ARHGAP28: variants seen among roughly 807,000 people sequenced by gnomAD.
ARHGAP28 encodes the protein Rho GTPase activating protein 28.
ARHGAP28 carries 56 observed loss-of-function variants against 90.7 expected under a neutral mutation model. That is an observed-to-expected ratio of 0.62 (90% confidence interval 0.50 to 0.77). ARHGAP28 has a LOEUF of 0.77. Among genes scored for constraint, ARHGAP28 ranks in the 30% least tolerant of loss-of-function variants. The pLI, the probability that ARHGAP28 is intolerant of heterozygous loss-of-function variation, is 0.00. For missense variants in ARHGAP28, 869 were observed against 900.9 expected (o/e 0.96, Z 0.45); for synonymous variants, 308 against 323.3 (o/e 0.95, Z 0.51).
chr18:6,841,203 C>CT (rs754874496), intron 3 of ARHGAP28, among the ~76,000 whole-genome samples: 8,394 of 41,056 alleles, frequency 0.2, 1,196 homozygotes, highest in Non-Finnish European at 0.23. Context: ...CTCTCTCTCT[C>CT]CTCTCCTCTC....
chr18:6,827,310 C>CG (rs1164665392), intron 2 of ARHGAP28, among the ~76,000 whole-genome samples: 1 of 145,748 alleles, frequency 6.9e-6, no homozygotes, highest in Non-Finnish European at 1.5e-5. Flanking sequence ...GCTGGCCGGG[C>CG]GGGGGGCTGA....
At chr18:6,766,920 C>T (rs1344489546) in intron 1 of ARHGAP28, among the ~76,000 whole-genome samples, 2 of 152,158 alleles carry the variant, frequency 1.3e-5, no homozygotes, top group African/African-American at 4.8e-5. Context: ...CTTGGTCCGT[C>T]CTTTACTTTT....
chr18:6,755,703 G>A (rs1225955309), intron 1 of ARHGAP28, among the ~76,000 whole-genome samples: 1 of 152,094 alleles, frequency 6.6e-6, no homozygotes, highest in East Asian at 1.9e-4. Flanking sequence ...GTATAACCTG[G>A]GGTTTTCTGA....
chr18:6,818,488 CTCTATAT>C (rs1276578762), intron 1 of ARHGAP28, among the ~76,000 whole-genome samples: 1 of 152,158 alleles, frequency 6.6e-6, no homozygotes, highest in African/African-American at 2.4e-5. Flanking sequence ...AACATGGTTC[CTCTATAT>C]TCTAGTGGGG....
At chr18:6,818,194 T>C (rs933098055) in intron 1 of ARHGAP28, among the ~76,000 whole-genome samples, 3 of 152,166 alleles carry the variant, frequency 2.0e-5, no homozygotes, top group African/African-American at 4.8e-5. Context: ...TTGTTCAAGA[T>C]TGTAGAGCTG....
chr18:6,825,123 T>G (rs2056653126), intron 2 of ARHGAP28, among the ~76,000 whole-genome samples, 159 bp downstream of exon 2: 1 of 152,150 alleles, frequency 6.6e-6, no homozygotes, highest in African/African-American at 2.4e-5. Flanking sequence ...GATTTATATC[T>G]ACTGTACTGG....
At chr18:6,893,968 GT>G in intron 14 of ARHGAP28, among the ~76,000 whole-genome samples, 1 of 148,654 alleles carries the variant, frequency 6.7e-6, no homozygotes, top group South Asian at 2.2e-4. Flanking sequence ...CTGGGTTCAA[GT>G]GATTCTTCTG....
rs148736853 is a variant in ARHGAP28 at position 6,772,389 on chromosome 18, G to C, written c.122+42446G>C. On this transcript the variant is annotated intron_variant, in intron 1 of 17. Coordinates refer to ENST00000383472, the MANE Select transcript of ARHGAP28 (RefSeq NM_001366230.1). ...CTGGGATGTTTCTCTATAGAAAAAC[G>C]GTACAGACAGTTCCTGACTTAGGAT... Among the ~76,000 whole-genome samples the C allele has an allele frequency of 3.4e-4, 51 of 152,198 alleles. 1 individual carries two copies. In the South Asian group the frequency reaches 9.1e-3, roughly 27 times the overall value.
At chr18:6,899,396 A>C (rs888887496) in intron 16 of ARHGAP28, among the ~76,000 whole-genome samples, 1 of 152,170 alleles carries the variant, frequency 6.6e-6, no homozygotes, top group African/African-American at 2.4e-5. Flanking sequence ...AGCACTGCGG[A>C]AACTTCCAAC....
chr18:6,777,148 C>G (rs1403327522), intron 1 of ARHGAP28, among the ~76,000 whole-genome samples: 1 of 151,938 alleles, frequency 6.6e-6, no homozygotes, highest in Non-Finnish European at 1.5e-5. Flanking sequence ...GTGCAATAAC[C>G]TAGATATATT....
At chr18:6,827,298 C>A (rs8083704) in intron 2 of ARHGAP28, among the ~76,000 whole-genome samples, 1 of 148,886 alleles carries the variant, frequency 6.7e-6, no homozygotes. Flanking sequence ...CCGGACGGGG[C>A]GGCTGGCCGG....
intron 1 of ARHGAP28, among the ~76,000 whole-genome samples, chr18:6,731,490 T>C (rs1567928315): frequency 6.6e-6 from 1 of 152,204 alleles, no homozygotes; most frequent in Non-Finnish European, 1.5e-5. Flanking sequence ...TAACTCAGCA[T>C]GTGGTCTTGT....
chr18:6,787,005 A>C (rs2056370278), intron 1 of ARHGAP28, among the ~76,000 whole-genome samples: 1 of 152,028 alleles, frequency 6.6e-6, no homozygotes, highest in South Asian at 2.1e-4. Flanking sequence ...GGATCACCTG[A>C]GGTCAGGAGT....
chr18:6,800,658 A>G (rs2056475333), intron 1 of ARHGAP28, among the ~76,000 whole-genome samples: 1 of 152,210 alleles, frequency 6.6e-6, no homozygotes, highest in African/African-American at 2.4e-5. Flanking sequence ...GAGTCGAACA[A>G]TAAGAACACA....
At chr18:6,870,974 G>A (rs546582372) in intron 7 of ARHGAP28, among the ~76,000 whole-genome samples, 3 of 152,070 alleles carry the variant, frequency 2.0e-5, no homozygotes, top group Non-Finnish European at 2.9e-5. Flanking sequence ...CTAATTTTTT[G>A]TATTTTTGGT....
intron 1 of ARHGAP28, among the ~76,000 whole-genome samples, chr18:6,736,733 G>A (rs1305509574): frequency 1.6e-5 from 2 of 123,598 alleles, no homozygotes; most frequent in East Asian, 2.2e-4. Flanking sequence ...GGCAACAAGA[G>A]TGAAACTCCA....
At chr18:6,787,632 T>C (rs1441727221) in intron 1 of ARHGAP28, among the ~76,000 whole-genome samples, 1 of 152,238 alleles carries the variant, frequency 6.6e-6, no homozygotes. Flanking sequence ...AAAGCTGTGA[T>C]GTGCAGGCAA....
chr18:6,820,923 G>A (rs1331060325), intron 1 of ARHGAP28, among the ~76,000 whole-genome samples: 1 of 152,214 alleles, frequency 6.6e-6, no homozygotes, highest in Non-Finnish European at 1.5e-5. Flanking sequence ...CAAAAATGAA[G>A]AGAAAGGATC....
chr18:6,894,218 A>G (rs2057288432), intron 14 of ARHGAP28, among the ~76,000 whole-genome samples: 1 of 152,098 alleles, frequency 6.6e-6, no homozygotes, highest in South Asian at 2.1e-4. Flanking sequence ...CAGTTCATTA[A>G]CAAGTTATAA....
Sources: gnomAD v4.1 joint callset for allele counts (sites outside exome capture counted in the v4.1 genomes callset) on GRCh38, gnomAD v4.1.1 for gene constraint, MANE v1.5 for transcripts, NCBI Gene and HGNC (gene_info 2026-07-23, HGNC 2026-07-21) for gene names.